SACS: variants seen among roughly 807,000 people sequenced by gnomAD.
The protein encoded by SACS is sacsin molecular chaperone.
A neutral mutation model predicts 348.0 loss-of-function variants in SACS; 197 were observed. That is an observed-to-expected ratio of 0.57 (90% CI 0.50 to 0.64). SACS has a LOEUF of 0.64. Among genes scored for constraint, SACS ranks in the 30% least tolerant of loss-of-function variants. The pLI is 0.00. For missense variants in SACS, 4,999 were observed against 5,360.8 expected (o/e 0.93, Z 2.11); for synonymous variants, 1,985 against 1,910.6 (o/e 1.04, Z -1.02).
intron 6 of SACS, among the ~76,000 whole-genome samples, chr13:23,362,094 T>C (rs768699426): frequency 6.6e-6 from 1 of 152,238 alleles, no homozygotes; most frequent in Admixed American, 6.5e-5. Context: ...ACAAGTTATG[T>C]TGATTATCAG....
chr13:23,388,420 G>GTATATA (rs753388276), intron 2 of SACS, among the ~76,000 whole-genome samples: 1 of 143,514 alleles, frequency 7.0e-6, no homozygotes, highest in African/African-American at 2.6e-5. Context: ...AATGGTGTGT[G>GTATATA]TGTATATATA....
At chr13:23,363,924 T>C (rs1870903656) in intron 6 of SACS, among the ~76,000 whole-genome samples, 1 of 152,138 alleles carries the variant, frequency 6.6e-6, no homozygotes, top group Non-Finnish European at 1.5e-5. Context: ...AATCCAATGT[T>C]ACATTAAGTC....
chr13:23,356,222 A>T (rs1870380477), intron 7 of SACS, among the ~76,000 whole-genome samples: 1 of 152,212 alleles, frequency 6.6e-6, no homozygotes, highest in African/African-American at 2.4e-5. Flanking sequence ...AGGCATAGAG[A>T]CTTTGCATGA....
In SACS at chr13:23,341,116, A is replaced by C; in HGVS notation, c.2760T>G (p.Ile920Met). Reference protein sequence around the residue: ...LTDSSEKEKRIIQELAIFKRI... With the variant: ...LTDSSEKEKRMIQELAIFKRI... ...GCTTGAATATTGCCAATTCTTGAAT[A>C]ATTCTTTTCTCTTTCTCACTGCTAT... The change falls in exon 10 of 10, where the codon ATT (isoleucine) becomes ATG (methionine). Residue 920 changes from isoleucine (I) to methionine (M), a missense_variant. By Grantham distance (10) the Ile-to-Met change is conservative (BLOSUM62 1). This residue lies in a region of SACS where 3,156 missense variants were observed against 3,380.1 expected (regional missense o/e 0.93). Transcript: ENST00000382292. The C allele has an allele frequency of 6.2e-7, 1 of 1,613,598 alleles. No homozygotes were observed. Among genetic ancestry groups the C allele is most frequent in the Middle Eastern group, 1.6e-4 (1 of 6,062 alleles).
At position 23,336,509 on chromosome 13, in the gene SACS, G is replaced by A. The variant is rs1051632041; in HGVS notation, c.7367C>T (p.Thr2456Ile). Reference protein sequence around the residue: ...KNYGKILLPDTNLMLLPAKSL... With the variant: ...KNYGKILLPDINLMLLPAKSL... ...TTTAGCAGGGAGAAGCATAAGATTAGTATCTGGCAATAATATCTTGCCATA... is the reference window on the plus strand; with the variant it reads ...TTTAGCAGGGAGAAGCATAAGATTAATATCTGGCAATAATATCTTGCCATA... Residue 2456 changes from threonine to isoleucine, a missense_variant, in exon 10 of 10, where the codon ACT becomes ATT. Thr to Ile is a moderately conservative substitution (Grantham distance 89). Around this residue, in one of 6 missense-constraint regions of SACS, gnomAD observed 3,156 missense variants for 3,380.1 expected, o/e 0.93. Coordinates refer to ENST00000382292, the MANE Select transcript of SACS (RefSeq NM_014363.6). The A allele has an allele frequency of 3.1e-6, 5 of 1,613,950 alleles. No homozygotes were observed. In the African/African-American group the frequency reaches 6.7e-5, roughly 22 times the overall value.
At chr13:23,347,363 T>C (rs755921916) in intron 9 of SACS, among the ~76,000 whole-genome samples, 2 of 152,134 alleles carry the variant, frequency 1.3e-5, no homozygotes, top group African/African-American at 2.4e-5. Context: ...TAAGAATTGT[T>C]CCACGAACAT....
intron 6 of SACS, 78 bp from the exon 7 acceptor site, chr13:23,358,559 C>G (rs962363386): frequency 2.0e-6 from 3 of 1,483,114 alleles, no homozygotes; most frequent in African/African-American, 2.8e-5. Context: ...ATCCTCTATA[C>G]AAAATCTCTT....
At position 23,335,089 on chromosome 13, in the gene SACS, T is replaced by C. The variant is rs199911683; in HGVS notation, c.8787A>G (p.Leu2929=). ...APAYVELLIQ[L]KKRYFPGSDP... ...CAGAACCAGGGAAATACCGTTTTTT[T>C]AACTGTATTAGCAATTCAACATATG... Residue 2929 remains leucine (L), a synonymous_variant, in exon 10 of 10, where the codon TTA becomes TTG. Coordinates refer to ENST00000382292, the MANE Select transcript of SACS (RefSeq NM_014363.6). The surrounding 1 kb of genome is among the most constrained non-coding windows in gnomAD (Gnocchi z 4.7). The C allele has an allele frequency of 6.2e-7, 1 of 1,613,686 alleles. No homozygotes were observed. Among genetic ancestry groups the C allele is most frequent in the Non-Finnish European group, 8.5e-7 (1 of 1,179,692 alleles).
intron 1 of SACS, among the ~76,000 whole-genome samples, chr13:23,426,740 A>G (rs1436830292): frequency 6.6e-6 from 1 of 152,122 alleles, no homozygotes; most frequent in African/African-American, 2.4e-5. Context: ...CAGGTGATAC[A>G]CAAGTGGTTG....
chr13:23,376,974 G>C (rs1231909981), intron 2 of SACS, among the ~76,000 whole-genome samples: 1 of 152,222 alleles, frequency 6.6e-6, no homozygotes, highest in African/African-American at 2.4e-5. Flanking sequence ...GAATTTGATG[G>C]AGTAGTGAAT....
chr13:23,349,386 A>G (rs1380306580), intron 9 of SACS, among the ~76,000 whole-genome samples: 1 of 152,218 alleles, frequency 6.6e-6, no homozygotes, highest in Non-Finnish European at 1.5e-5. Flanking sequence ...TGGGGAGAGG[A>G]TGAAGACTAA....
chr13:23,389,408 A>AAT (rs1038696326), intron 2 of SACS, among the ~76,000 whole-genome samples: 4 of 151,998 alleles, frequency 2.6e-5, no homozygotes, highest in African/African-American at 7.2e-5. Flanking sequence ...ATTGTAAAAA[A>AAT]ATATATATAT....
At chr13:23,379,936 G>T (rs1292287589) in intron 2 of SACS, among the ~76,000 whole-genome samples, 5 of 152,090 alleles carry the variant, frequency 3.3e-5, no homozygotes, top group African/African-American at 9.7e-5. Flanking sequence ...TACCTGGAAT[G>T]AAATCTCTTT....
intron 1 of SACS, among the ~76,000 whole-genome samples, chr13:23,423,200 G>C (rs578017582): frequency 1.3e-5 from 2 of 152,048 alleles, no homozygotes; most frequent in East Asian, 3.9e-4. Flanking sequence ...TAGAACCCAG[G>C]GAATGACATT....
At chr13:23,380,411 C>T (rs996711656) in intron 2 of SACS, among the ~76,000 whole-genome samples, 2 of 151,956 alleles carry the variant, frequency 1.3e-5, no homozygotes, top group Non-Finnish European at 2.9e-5. Flanking sequence ...CTGTATGGGG[C>T]GCTGGGTTCC....
rs1870303000 is a variant in SACS, at chr13:23,355,440, G to T, written c.1172C>A (p.Ser391Tyr). 6 of 1,614,080 alleles carry T rather than the reference G, an allele frequency of 3.7e-6. No individual in the cohort carries two copies. In the East Asian group the frequency reaches 1.3e-4, roughly 36 times the overall value. The change falls in exon 8 of 10, where the codon TCT becomes TAT. Residue 391 changes from serine to tyrosine, a missense_variant. Ser to Tyr is a moderately radical substitution (Grantham distance 144). Around this residue, in one of 6 missense-constraint regions of SACS, gnomAD observed 3,156 missense variants for 3,380.1 expected, o/e 0.93. Coordinates refer to ENST00000382292, the MANE Select transcript of SACS (RefSeq NM_014363.6). ...EESTKDAQKT[S>Y]WLVCNSVGGR... ...ACCCACACTGTTACACACCAACCAA[G>T]ATGTTTTCTGTGCATCCTTAGTACT...
In SACS at chr13:23,339,764, A is replaced by G; in HGVS notation, c.4112T>C (p.Ile1371Thr). The G allele has an allele frequency of 6.2e-7, 1 of 1,614,110 alleles. No individual in the cohort carries two copies. Among genetic ancestry groups the G allele is most frequent in the Non-Finnish European group, 8.5e-7 (1 of 1,179,990 alleles). ...NIIRWLYSNQ[I>T]PASPNTPVPI... ...AACTGGTGTGTTGGGGCTTGCTGGA[A>G]TCTGATTGCTATACAGCCATCTGAT... is the stretch of plus-strand genomic sequence containing the variant. Residue 1371 changes from isoleucine (I) to threonine (T), a missense_variant, in exon 10 of 10, where the codon ATT becomes ACT. By Grantham distance (89) the Ile-to-Thr change is moderately conservative (BLOSUM62 -1). This residue lies in a region of SACS where 3,156 missense variants were observed against 3,380.1 expected (regional missense o/e 0.93). Transcript: ENST00000382292.
In SACS at chr13:23,332,922, G is replaced by T. The variant is rs201505036; in HGVS notation, c.10954C>A (p.Pro3652Thr). The T allele has an allele frequency of 6.5e-5, 105 of 1,613,906 alleles. No individual in the cohort carries two copies. The highest frequency in any genetic ancestry group is 8.7e-5 in the Non-Finnish European group (103 of 1,179,912). Residue 3652 changes from proline to threonine, a missense_variant, in exon 10 of 10, where the codon CCA becomes ACA. This residue lies in a region of SACS where 831 missense variants were observed against 941.8 expected (regional missense o/e 0.88). Coordinates refer to ENST00000382292, the MANE Select transcript of SACS (RefSeq NM_014363.6). ...GGGGCCCGCTCAGGACATAAGAATG[G>T]TATTAAAGATAGTTCTTTCAGAAAA... Reference protein sequence around the residue: ...GNFLKELSLIPFLCPERAPAE... With the variant: ...GNFLKELSLITFLCPERAPAE...
rs1566053496 is a variant in SACS, at chr13:23,329,783, CA to C, written c.*352del. On this transcript the variant is annotated 3_prime_UTR_variant, in exon 10 of 10. Coordinates refer to ENST00000382292, the MANE Select transcript of SACS (RefSeq NM_014363.6). ...GTTTCATTAGCTCCTTCAAAAATAC[CA>C]TGTTAAAAACATAAAATTAACTTCA... is the stretch of plus-strand genomic sequence containing the variant. The C allele has an allele frequency of 2.2e-6, 1 of 461,076 alleles. No homozygotes were observed. Among genetic ancestry groups the C allele is most frequent in the Non-Finnish European group, 3.8e-6 (1 of 261,812 alleles). 28.6% of individuals were successfully genotyped at this position (461,076 alleles called of 1,614,324 possible).
Sources: gnomAD v4.1 joint callset for allele counts (sites outside exome capture counted in the v4.1 genomes callset) on GRCh38, gnomAD v4.1.1 for gene constraint, gnomAD v4.1.1 regional missense constraint, Gnocchi (gnomAD v3.1) non-coding constraint, MANE v1.5 for transcripts, NCBI Gene and HGNC (gene_info 2026-07-23, HGNC 2026-07-21) for gene names.